Variants in ENTREP2 observed in about 807,000 individuals in gnomAD.
ENTREP2 encodes the protein endosomal transmembrane epsin interactor 2, also known as protein ENTREP2.
the ENTREP2 span, among the ~76,000 whole-genome samples, chr15:29,649,945 T>C: frequency 2.0e-5 from 3 of 151,978 alleles, no homozygotes; most frequent in African/African-American, 7.2e-5. Context: ...CCTTGGTAAC[T>C]AGAGATGTGA....
At chr15:29,305,889 C>G in the ENTREP2 span, among the ~76,000 whole-genome samples, 1 of 152,206 alleles carries the variant, frequency 6.6e-6, no homozygotes, top group East Asian at 1.9e-4. Context: ...GAGAGGAAGA[C>G]TCGGGGCTTC....
At chr15:29,151,857 CAGG>C in the ENTREP2 span, 33 of 1,539,916 alleles carry the variant, frequency 2.1e-5, 1 homozygote, top group African/African-American at 2.2e-4. Flanking sequence ...AGGAAAGGTG[CAGG>C]AGAATGTCAG....
the ENTREP2 span, among the ~76,000 whole-genome samples, chr15:29,378,199 C>A: frequency 1.6e-5 from 2 of 127,260 alleles, no homozygotes; most frequent in African/African-American, 8.0e-5. Flanking sequence ...CTCTTTTGAA[C>A]TTTAAAAACT....
the ENTREP2 span, among the ~76,000 whole-genome samples, chr15:29,571,322 C>T: frequency 6.6e-6 from 1 of 152,150 alleles, no homozygotes; most frequent in Non-Finnish European, 1.5e-5. Flanking sequence ...ATAGCGGCAG[C>T]GGGCCAGCCG....
the ENTREP2 span, among the ~76,000 whole-genome samples, chr15:29,640,649 CAAACA>C: frequency 5.3e-5 from 8 of 149,750 alleles, no homozygotes; most frequent in East Asian, 2.0e-4. Context: ...GGGCCTGTCT[CAAACA>C]AAACAAAACA....
the ENTREP2 span, among the ~76,000 whole-genome samples, chr15:29,129,487 A>C: frequency 1.3e-5 from 2 of 151,240 alleles, no homozygotes; most frequent in South Asian, 2.1e-4. Flanking sequence ...TCTTTTCTTT[A>C]TTTATACATT....
chr15:29,672,198 G>A, the ENTREP2 span, among the ~76,000 whole-genome samples: 3 of 152,128 alleles, frequency 2.0e-5, no homozygotes, highest in Non-Finnish European at 4.4e-5. Context: ...ATGTTGGCCA[G>A]GCTGATCTCA....
the ENTREP2 span, among the ~76,000 whole-genome samples, chr15:29,278,988 C>G: frequency 3.3e-5 from 5 of 152,216 alleles, no homozygotes; most frequent in Non-Finnish European, 7.3e-5. Context: ...GTGTTCTCAG[C>G]TGGCCCTTCT....
chr15:29,199,658 C>T, the ENTREP2 span, among the ~76,000 whole-genome samples: 1 of 152,112 alleles, frequency 6.6e-6, no homozygotes, highest in Non-Finnish European at 1.5e-5. Context: ...GTTATATATG[C>T]GGCTTGTAAA....
the ENTREP2 span, among the ~76,000 whole-genome samples, chr15:29,495,697 T>C: frequency 6.6e-6 from 1 of 152,186 alleles, no homozygotes; most frequent in Admixed American, 6.5e-5. Context: ...CATGGCACCT[T>C]TGTCAAAGAT....
At chr15:29,141,041 C>T in the ENTREP2 span, among the ~76,000 whole-genome samples, 4 of 152,150 alleles carry the variant, frequency 2.6e-5, no homozygotes, top group South Asian at 2.1e-4. Flanking sequence ...AGAGGGGATC[C>T]GAACTCAGGT....
chr15:29,542,175 G>A, the ENTREP2 span, among the ~76,000 whole-genome samples: 8 of 152,246 alleles, frequency 5.3e-5, no homozygotes, highest in Non-Finnish European at 1.0e-4. Context: ...ACCATGCCCA[G>A]CTAATCTTTA....
At chr15:29,636,821 T>C in the ENTREP2 span, among the ~76,000 whole-genome samples, 2 of 152,216 alleles carry the variant, frequency 1.3e-5, no homozygotes, top group East Asian at 1.9e-4. Flanking sequence ...ATTCCAGAGA[T>C]GAGACTGAAA....
chr15:29,360,111 C>T, the ENTREP2 span, among the ~76,000 whole-genome samples: 1 of 152,096 alleles, frequency 6.6e-6, no homozygotes, highest in African/African-American at 2.4e-5. Flanking sequence ...GCATTTTATT[C>T]TGATGATTTA....
chr15:29,161,973 C>A, the ENTREP2 span, among the ~76,000 whole-genome samples: 1 of 152,024 alleles, frequency 6.6e-6, no homozygotes. Context: ...TGGAAGACAC[C>A]CCAAATACTG....
At chr15:29,393,731 GCTA>G in the ENTREP2 span, among the ~76,000 whole-genome samples, 2 of 113,176 alleles carry the variant, frequency 1.8e-5, no homozygotes, top group East Asian at 2.6e-4. Flanking sequence ...ATGAATAGAG[GCTA>G]CTTTTATTTT....
chr15:29,210,731 G>C, the ENTREP2 span, among the ~76,000 whole-genome samples: 1 of 152,146 alleles, frequency 6.6e-6, no homozygotes, highest in Non-Finnish European at 1.5e-5. Flanking sequence ...GAGCTTCTCT[G>C]TGTGGTCTTG....
chr15:29,300,224 A>G, the ENTREP2 span, among the ~76,000 whole-genome samples: 1 of 145,448 alleles, frequency 6.9e-6, no homozygotes, highest in East Asian at 2.1e-4. Context: ...GTACAGATGG[A>G]TAAGTGGATG....
the ENTREP2 span, among the ~76,000 whole-genome samples, chr15:29,159,385 G>A: frequency 2.0e-5 from 3 of 152,180 alleles, no homozygotes; most frequent in South Asian, 2.1e-4. Context: ...GTGAGCAGCA[G>A]CAAGATTTAT....
Sources: allele counts gnomAD v4.1 joint callset (sites outside exome capture counted in the v4.1 genomes callset), GRCh38; gene constraint gnomAD v4.1.1; transcripts MANE v1.5; gene names NCBI Gene and HGNC (gene_info 2026-07-23, HGNC 2026-07-21).